PIKFYVE: variants seen among roughly 807,000 people sequenced by gnomAD.
PIKFYVE encodes 1-phosphatidylinositol 3-phosphate 5-kinase.
In PIKFYVE, 122 loss-of-function variants were observed where a neutral mutation model predicts 257.9. That is an observed-to-expected ratio of 0.47 (90% CI 0.41 to 0.55). The LOEUF (loss-of-function observed/expected upper bound fraction) is 0.55. Ranked by LOEUF, PIKFYVE falls within the 20% of genes least tolerant of loss-of-function variation. PIKFYVE has a pLI of 0.00. For missense variants in PIKFYVE, 2,160 were observed against 2,536.6 expected, an observed-to-expected ratio of 0.85 and a Z score of 3.19; for synonymous variants, 892 against 868.9, an observed-to-expected ratio of 1.03 and a Z score of -0.47.
At chr2:208,341,285 G>T (rs916216256) in intron 31 of PIKFYVE, among the ~76,000 whole-genome samples, 2 of 152,048 alleles carry the variant, frequency 1.3e-5, no homozygotes, top group Non-Finnish European at 2.9e-5. Flanking sequence ...TGAGCTACTG[G>T]ACCCGGCCCT....
intron 18 of PIKFYVE, 64 bp from the exon 19 acceptor site, chr2:208,324,847 A>G: frequency 6.4e-7 from 1 of 1,571,732 alleles, no homozygotes; most frequent in Non-Finnish European, 8.7e-7. Flanking sequence ...ACTTTTCCAG[A>G]TTAAATTTAC....
intron 16 of PIKFYVE, among the ~76,000 whole-genome samples, chr2:208,318,950 C>CAGAAAA (rs567343569): frequency 1.8e-5 from 2 of 108,366 alleles, no homozygotes; most frequent in East Asian, 5.4e-4. Context: ...GACTCCGTCT[C>CAGAAAA]AAAAAAAAAA....
chr2:208,288,610 A>G (rs1691889624), intron 6 of PIKFYVE, 119 bp from the exon 7 acceptor site: 2 of 1,444,460 alleles, frequency 1.4e-6, no homozygotes, highest in African/African-American at 1.4e-5. Context: ...AACAAAAATG[A>G]CACATAATCT....
chr2:208,337,557 A>G (rs1178482308), intron 28 of PIKFYVE, among the ~76,000 whole-genome samples: 4 of 152,030 alleles, frequency 2.6e-5, no homozygotes, highest in African/African-American at 7.2e-5. Flanking sequence ...ATATATATCA[A>G]TCTATCTAGA....
Position 208,340,207 on chromosome 2 carries a change from A to G in PIKFYVE, c.4931+76A>G, listed in dbSNP as rs554896495. On this transcript the variant is annotated intron_variant, in intron 31 of 41. Transcript: ENST00000264380. ...AGTTGCTCGCTTCATATTTAAATATATTTATCTGATGCATGATTTTTCAAT... is the reference window on the plus strand; with the variant it reads ...AGTTGCTCGCTTCATATTTAAATATGTTTATCTGATGCATGATTTTTCAAT... 2.6e-6 allele frequency: 4 copies of G among 1,525,602 alleles called. No homozygotes were observed. In the East Asian group the frequency reaches 6.8e-5, roughly 26 times the overall value. 94.5% of individuals were successfully genotyped at this position (1,525,602 alleles called of 1,614,324 possible). A position where few individuals can be genotyped will look rare whatever the true frequency, so the allele number is the denominator to read the frequency against.
At chr2:208,341,294 C>T (rs907630859) in intron 31 of PIKFYVE, among the ~76,000 whole-genome samples, 3 of 152,112 alleles carry the variant, frequency 2.0e-5, no homozygotes, top group Admixed American at 6.5e-5. Context: ...GGACCCGGCC[C>T]TTTAAACTTT....
chr2:208,288,851 G>C (rs1462357789), intron 7 of PIKFYVE, 33 bp downstream of exon 7: 1 of 1,610,106 alleles, frequency 6.2e-7, no homozygotes, highest in East Asian at 2.2e-5. Flanking sequence ...TGTGCTCTCT[G>C]ATGTTTATTT....
At position 208,304,835 on chromosome 2, in the gene PIKFYVE, A is replaced by G. The variant is rs756821039; in HGVS notation, c.1469-11A>G. The G allele has an allele frequency of 3.1e-6, 5 of 1,613,022 alleles. No individual in the cohort carries two copies. The highest frequency in any genetic ancestry group is 1.7e-6 in the Non-Finnish European group (2 of 1,179,036). On this transcript the variant is annotated splice_polypyrimidine_tract_variant and intron_variant, in intron 11 of 41. Coordinates refer to ENST00000264380, the MANE Select transcript of PIKFYVE (RefSeq NM_015040.4). ...CTCCCTATATTTCTTTCCCCTTCCC[A>G]ACACTAAAAGATTCTGCCAGTCCTA...
Position 208,335,421 on chromosome 2 carries a change from T to A in PIKFYVE, c.4256+2T>A. 1 of 1,545,152 alleles carries A rather than the reference T, an allele frequency of 6.5e-7. No individual in the cohort carries two copies. Among genetic ancestry groups the A allele is most frequent in the Non-Finnish European group, 8.9e-7 (1 of 1,117,636 alleles). ...GGATCTGAAGGACTTCTTTCAAAAG[T>A]AAGTTCAGTTTCTTTTATCATCTTT... On this transcript the variant is annotated splice_donor_variant, in intron 25 of 41. Transcript: ENST00000264380. LOFTEE classifies it high-confidence loss of function.
intron 3 of PIKFYVE, among the ~76,000 whole-genome samples, chr2:208,275,432 C>G (rs1339320177): frequency 1.3e-5 from 2 of 152,172 alleles, no homozygotes; most frequent in African/African-American, 2.4e-5. Context: ...CATTATGTTT[C>G]CAGTAGCTTC....
At chr2:208,290,810 A>G (rs1262419377) in intron 7 of PIKFYVE, among the ~76,000 whole-genome samples, 1 of 152,104 alleles carries the variant, frequency 6.6e-6, no homozygotes, top group African/African-American at 2.4e-5. Context: ...GGCAGTTTTA[A>G]TGGGTGTGTA....
At chr2:208,343,255 TTC>T (rs958786678) in intron 32 of PIKFYVE, among the ~76,000 whole-genome samples, 8 of 152,204 alleles carry the variant, frequency 5.3e-5, no homozygotes, top group African/African-American at 1.9e-4. Flanking sequence ...CTTGTATCCC[TTC>T]TCTCAGTTTA....
intron 7 of PIKFYVE, among the ~76,000 whole-genome samples, chr2:208,295,655 C>T (rs76165302): frequency 0.011 from 1,743 of 152,292 alleles, 28 homozygotes; most frequent in African/African-American, 0.04. Flanking sequence ...CTACATCCTT[C>T]TCAATCTGTT....
At position 208,320,271 on chromosome 2, in the gene PIKFYVE, A is replaced by C. The variant is rs751210583; in HGVS notation, c.2102A>C (p.Asn701Thr). 21 of 1,611,530 alleles carry C rather than the reference A, an allele frequency of 1.3e-5. 1 individual carries two copies. In the South Asian group the frequency reaches 2.2e-4, roughly 17 times the overall value. Residue 701 changes from asparagine to threonine, a missense_variant, in exon 17 of 42, where the codon AAC becomes ACC. Transcript: ENST00000264380. The part of the protein sequence containing the change: ...AHKKMSSCIK[N>T]PKILLLKCSI... The stretch of plus-strand genomic sequence containing the variant: ...TTGTAGATGAGTTCTTGTATTAAAA[A>C]CCCCAAAATTCTTCTGTTGAAGTGT...
intron 13 of PIKFYVE, among the ~76,000 whole-genome samples, chr2:208,312,558 A>C (rs1459637021): frequency 6.6e-6 from 1 of 152,232 alleles, no homozygotes; most frequent in African/African-American, 2.4e-5. Context: ...ATTTGAACTT[A>C]ATTCTTTTAA....
intron 28 of PIKFYVE, among the ~76,000 whole-genome samples, chr2:208,337,175 C>G (rs919277918): frequency 2.6e-5 from 4 of 152,064 alleles, no homozygotes; most frequent in African/African-American, 9.7e-5. Flanking sequence ...TGCTGCATCA[C>G]TGAGGGTAGC....
intron 7 of PIKFYVE, among the ~76,000 whole-genome samples, chr2:208,297,172 T>C (rs1490941713): frequency 6.6e-6 from 1 of 152,248 alleles, no homozygotes. Flanking sequence ...GTATTCTTGC[T>C]ACTAGGCTAT....
intron 32 of PIKFYVE, among the ~76,000 whole-genome samples, chr2:208,344,612 G>A (rs1010391086): frequency 6.6e-6 from 1 of 151,352 alleles, no homozygotes; most frequent in African/African-American, 2.4e-5. Context: ...ATCCTAACAT[G>A]CCTCTCTTGT....
chr2:208,271,408 C>T (rs1161997047), intron 1 of PIKFYVE, 103 bp from the exon 2 acceptor site: 3 of 1,135,678 alleles, frequency 2.6e-6, no homozygotes, highest in African/African-American at 3.1e-5. Flanking sequence ...CATAGTCTGA[C>T]TTTTCACAGA....
Sources: gnomAD v4.1 joint callset for allele counts (sites outside exome capture counted in the v4.1 genomes callset) on GRCh38, gnomAD v4.1.1 for gene constraint, MANE v1.5 for transcripts, NCBI Gene and HGNC (gene_info 2026-07-23, HGNC 2026-07-21) for gene names.